Variants in KIRREL3 observed in about 807,000 individuals in gnomAD.
The protein encoded by KIRREL3 is kirre like nephrin family adhesion molecule 3, also known as kin of IRRE-like protein 3.
In KIRREL3, 36 loss-of-function variants were observed where a neutral mutation model predicts 89.7. The ratio of observed to expected loss-of-function variants is 0.40; its 90% CI spans 0.31 to 0.53. KIRREL3 has a LOEUF of 0.53. Ranked by LOEUF, KIRREL3 falls within the 20% of genes least tolerant of loss-of-function variation. KIRREL3 has a pLI of 0.49. For synonymous variants in KIRREL3, 445 were observed against 441.4 expected, an observed-to-expected ratio of 1.01 and a Z score of -0.10; for missense variants, 864 against 1,056.6, an observed-to-expected ratio of 0.82 and a Z score of 2.53.
intron 1 of KIRREL3, among the ~76,000 whole-genome samples, chr11:126,862,225 C>T (rs773103253): frequency 5.9e-5 from 9 of 152,204 alleles, no homozygotes; most frequent in Admixed American, 1.3e-4. Flanking sequence ...ATAGGGCTGA[C>T]GCAGTTGAAC....
chr11:126,600,017 C>T (rs188268834), intron 1 of KIRREL3, among the ~76,000 whole-genome samples: 38 of 152,350 alleles, frequency 2.5e-4, no homozygotes, highest in East Asian at 5.8e-4. Flanking sequence ...TGGGCTATCA[C>T]CTCTCTAGTT....
Position 126,626,386 on chromosome 11 carries a change from A to G in KIRREL3, c.56-63474T>C, listed in dbSNP as rs142202240. On this transcript the variant is annotated intron_variant, in intron 1 of 16. Transcript: ENST00000525144. ...CTTGACTTTGATCAACACCAGCCTT[A>G]TAAGCAGCATGGATATTGAAACATT... Among the ~76,000 whole-genome samples, 297 of 152,380 alleles carry G rather than the reference A, an allele frequency of 1.9e-3. 1 individual carries two copies. The highest frequency in any genetic ancestry group is 7.0e-3 in the African/African-American group (290 of 41,588).
rs1294763732 is a variant in KIRREL3, at chr11:126,635,655, T to C, written c.56-72743A>G. On this transcript the variant is annotated intron_variant, in intron 1 of 16. Transcript: ENST00000525144. This position sits in a 1 kb window ranked among gnomAD's most constrained non-coding sequence, Gnocchi z 4.0. ...CAAGTCAGACACACCTAGACTAAGA[T>C]GTGGCTTTGACCCCAGCTGGATATC... 6.6e-6 allele frequency among the ~76,000 whole-genome samples: 1 copy of C among 152,146 alleles called. No individual in the cohort carries two copies. Among genetic ancestry groups the C allele is most frequent in the Non-Finnish European group, 1.5e-5 (1 of 68,024 alleles).
chr11:126,464,391 C>T (rs1956650272), intron 5 of KIRREL3, among the ~76,000 whole-genome samples: 1 of 149,792 alleles, frequency 6.7e-6, no homozygotes, highest in South Asian at 2.1e-4. Flanking sequence ...ATTAGCCAGG[C>T]ATGGTGGCTT....
chr11:126,424,676 G>C lies in KIRREL3; in HGVS notation c.2241C>G (p.Ser747Arg). 6.2e-7 allele frequency: 1 copy of C among 1,614,052 alleles called. No homozygotes were observed. The highest frequency in any genetic ancestry group is 8.5e-7 in the Non-Finnish European group (1 of 1,179,900). The change falls in exon 17 of 17, where the codon AGC becomes AGG. Residue 747 changes from serine to arginine, a missense_variant. By Grantham distance (110) the Ser-to-Arg change is moderately radical (BLOSUM62 -1). Coordinates refer to ENST00000525144, the MANE Select transcript of KIRREL3 (RefSeq NM_032531.4). ...GGTGGGAGGAGGAAGCAGAAGCCTT[G>C]CTGGCCTTGTCGAACTGCACATAGC... ...QDGYVQFDKA[S>R]KASASSSHHS...
At position 126,612,651 on chromosome 11, in the gene KIRREL3, A is replaced by G. The variant is rs767749189; in HGVS notation, c.56-49739T>C. Among the ~76,000 whole-genome samples, 4 of 151,982 alleles carry G rather than the reference A, an allele frequency of 2.6e-5. No individual in the cohort carries two copies. Among genetic ancestry groups the G allele is most frequent in the Admixed American group, 2.0e-4 (3 of 15,262 alleles). On this transcript the variant is annotated intron_variant, in intron 1 of 16. Coordinates refer to ENST00000525144, the MANE Select transcript of KIRREL3 (RefSeq NM_032531.4). The surrounding 1 kb of genome is among the most constrained non-coding windows in gnomAD (Gnocchi z 4.5). ...CGCCCCCAAAATAAACCCCACACCC[A>G]TCACTCCCCATTTCTGTCCCCGTCG...
intron 1 of KIRREL3, among the ~76,000 whole-genome samples, chr11:126,973,129 T>G: frequency 7.2e-6 from 1 of 138,864 alleles, no homozygotes; most frequent in South Asian, 2.3e-4. Context: ...AAGACAGAAA[T>G]TGAGTCCCGA....
intron 1 of KIRREL3, among the ~76,000 whole-genome samples, chr11:126,828,685 G>C (rs10893584): frequency 6.6e-6 from 1 of 151,914 alleles, no homozygotes; most frequent in Non-Finnish European, 1.5e-5. Context: ...CTGCAGTCAC[G>C]CTTAAGAATG....
At position 126,902,971 on chromosome 11, in the gene KIRREL3, A is replaced by C. The variant is rs200920015; in HGVS notation, c.55+97484T>G. Among the ~76,000 whole-genome samples the C allele has an allele frequency of 2.0e-5, 3 of 152,208 alleles. No individual in the cohort carries two copies. In the East Asian group the frequency reaches 5.8e-4, roughly 29 times the overall value. ...TTGCCTATATTTATTTCATTACTTC[A>C]TCTGAATAATACTTTTTTTAAAAAA... On this transcript the variant is annotated intron_variant, in intron 1 of 16. Transcript: ENST00000525144.
chr11:126,681,241 G>A (rs1044580675), intron 1 of KIRREL3, among the ~76,000 whole-genome samples: 2 of 152,272 alleles, frequency 1.3e-5, no homozygotes, highest in Non-Finnish European at 2.9e-5. Flanking sequence ...AAGACCAGAA[G>A]CCATGTGTTT....
chr11:126,888,292 G>A (rs1945776716), intron 1 of KIRREL3, among the ~76,000 whole-genome samples: 1 of 152,158 alleles, frequency 6.6e-6, no homozygotes, highest in Non-Finnish European at 1.5e-5. Flanking sequence ...GGGGCCTAGA[G>A]GAGTCTTTGA....
chr11:126,695,406 C>CAAAAAAA (rs36034228), intron 1 of KIRREL3, among the ~76,000 whole-genome samples: 1 of 64,350 alleles, frequency 1.6e-5, no homozygotes, highest in South Asian at 7.5e-4. Flanking sequence ...TTAGCTTTAC[C>CAAAAAAA]AAAAAAAAAA....
chr11:126,849,629 G>C (rs1162381183), intron 1 of KIRREL3, among the ~76,000 whole-genome samples: 1 of 152,172 alleles, frequency 6.6e-6, no homozygotes, highest in Non-Finnish European at 1.5e-5. Context: ...AAGGAGAAAG[G>C]CTTGGGCAAC....
At position 126,977,023 on chromosome 11, in the gene KIRREL3, T is replaced by G. The variant is rs1425174726; in HGVS notation, c.55+23432A>C. ...TTAAGAAGAAGTTCTCTGTAACTGA[T>G]AAACATCATGCTGCATTTCCCAAGG... On this transcript the variant is annotated intron_variant, in intron 1 of 16. Transcript: ENST00000525144. This position sits in a 1 kb window ranked among gnomAD's most constrained non-coding sequence, Gnocchi z 4.7. Among the ~76,000 whole-genome samples, 1 of 152,216 alleles carries G rather than the reference T, an allele frequency of 6.6e-6. No individual in the cohort carries two copies. The highest frequency in any genetic ancestry group is 1.5e-5 in the Non-Finnish European group (1 of 68,026).
At chr11:126,756,310 G>T (rs544826447) in intron 1 of KIRREL3, among the ~76,000 whole-genome samples, 1 of 152,298 alleles carries the variant, frequency 6.6e-6, no homozygotes, top group African/African-American at 2.4e-5. Context: ...CCTTCAAAAT[G>T]GGCTGTCAAA....
In KIRREL3 at chr11:126,797,876, A is replaced by T. The variant is rs1203254336; in HGVS notation, c.55+202579T>A. 6.6e-6 allele frequency among the ~76,000 whole-genome samples: 1 copy of T among 152,202 alleles called. No homozygotes were observed. Among genetic ancestry groups the T allele is most frequent in the Non-Finnish European group, 1.5e-5 (1 of 68,030 alleles). ...AGAAAAATGAAATAATTGCATTCTGACTTGCTCAAAATGATTCATCTGCAT... is the reference window on the plus strand; with the variant it reads ...AGAAAAATGAAATAATTGCATTCTGTCTTGCTCAAAATGATTCATCTGCAT... On this transcript the variant is annotated intron_variant, in intron 1 of 16. Transcript: ENST00000525144. This position sits in a 1 kb window ranked among gnomAD's most constrained non-coding sequence, Gnocchi z 4.9.
chr11:126,827,893 T>C (rs1943471408), intron 1 of KIRREL3, among the ~76,000 whole-genome samples: 1 of 152,134 alleles, frequency 6.6e-6, no homozygotes, highest in Non-Finnish European at 1.5e-5. Context: ...CACTGGATAA[T>C]GTTCCGATAA....
intron 1 of KIRREL3, among the ~76,000 whole-genome samples, chr11:126,582,453 G>T (rs1358893058): frequency 2.0e-5 from 3 of 152,210 alleles, no homozygotes; most frequent in South Asian, 2.1e-4. Context: ...CGGTTCGGGG[G>T]TTTAGTGGAA....
At position 126,553,704 on chromosome 11, in the gene KIRREL3, A is replaced by G. The variant is rs752231508; in HGVS notation, c.133+9131T>C. Among the ~76,000 whole-genome samples, 1 of 152,078 alleles carries G rather than the reference A, an allele frequency of 6.6e-6. No individual in the cohort carries two copies. Among genetic ancestry groups the G allele is most frequent in the Non-Finnish European group, 1.5e-5 (1 of 68,026 alleles). On this transcript the variant is annotated intron_variant, in intron 2 of 16. Coordinates refer to ENST00000525144, the MANE Select transcript of KIRREL3 (RefSeq NM_032531.4). This position sits in a 1 kb window ranked among gnomAD's most constrained non-coding sequence, Gnocchi z 4.7. ...GCTTTAATGCACCCCTCAAATTTCCATAGGGCTGTGCTCCACATGGGCATC... is the reference window on the plus strand; with the variant it reads ...GCTTTAATGCACCCCTCAAATTTCCGTAGGGCTGTGCTCCACATGGGCATC...
Sources: gnomAD v4.1 joint callset for allele counts (sites outside exome capture counted in the v4.1 genomes callset) on GRCh38, gnomAD v4.1.1 for gene constraint, Gnocchi (gnomAD v3.1) non-coding constraint, MANE v1.5 for transcripts, NCBI Gene and HGNC (gene_info 2026-07-23, HGNC 2026-07-21) for gene names.